Variants in NCOA2 observed in about 807,000 individuals in gnomAD.
NCOA2 encodes the protein nuclear receptor coactivator 2.
NCOA2 carries 21 observed loss-of-function variants against 145.1 expected under a neutral mutation model. That is an observed-to-expected ratio of 0.14 (90% CI 0.10 to 0.21). The LOEUF (loss-of-function observed/expected upper bound fraction) is 0.21. Among genes scored for constraint, NCOA2 ranks in the 10% least tolerant of loss-of-function variants. The pLI, the probability that NCOA2 is intolerant of heterozygous loss-of-function variation, is 1.00. For synonymous variants in NCOA2, 619 were observed against 637.5 expected (o/e 0.97, Z 0.44); for missense variants, 1,472 against 1,837.6 (o/e 0.80, Z 3.64).
At chr8:70,207,198 T>C (rs1338297777) in intron 4 of NCOA2, among the ~76,000 whole-genome samples, 1 of 152,214 alleles carries the variant, frequency 6.6e-6, no homozygotes, top group Non-Finnish European at 1.5e-5. Context: ...ATGATTAGTG[T>C]CATACATTAA....
intron 1 of NCOA2, among the ~76,000 whole-genome samples, chr8:70,327,572 A>C (rs1227945347): frequency 6.6e-6 from 1 of 152,058 alleles, no homozygotes; most frequent in South Asian, 2.1e-4. Context: ...GACAAAATTA[A>C]TGTAGTTAAA....
chr8:70,186,953 G>C (rs1816141605), intron 4 of NCOA2, among the ~76,000 whole-genome samples: 1 of 152,188 alleles, frequency 6.6e-6, no homozygotes, highest in South Asian at 2.1e-4. Flanking sequence ...AACAGGAAGA[G>C]CTTTAAATAC....
At chr8:70,118,833 C>T (rs1563473882) in intron 22 of NCOA2, among the ~76,000 whole-genome samples, 3 of 151,722 alleles carry the variant, frequency 2.0e-5, no homozygotes, top group Non-Finnish European at 2.9e-5. Flanking sequence ...GGACTACAGG[C>T]GTGTGCTTCT....
chr8:70,176,985 T>C (rs1423057460), intron 4 of NCOA2, among the ~76,000 whole-genome samples: 1 of 152,208 alleles, frequency 6.6e-6, no homozygotes, highest in African/African-American at 2.4e-5. Flanking sequence ...ATTTATGTGG[T>C]CCTACTGCAT....
chr8:70,327,618 T>C (rs1377178161), intron 1 of NCOA2, among the ~76,000 whole-genome samples: 1 of 152,190 alleles, frequency 6.6e-6, no homozygotes, highest in Non-Finnish European at 1.5e-5. Flanking sequence ...AATCTCACTA[T>C]ATGACCATCA....
At chr8:70,212,819 C>T (rs1248174232) in intron 4 of NCOA2, among the ~76,000 whole-genome samples, 4 of 152,114 alleles carry the variant, frequency 2.6e-5, no homozygotes, top group Admixed American at 6.5e-5. Flanking sequence ...CGGTGGCTCA[C>T]GCCTGTAATC....
chr8:70,313,909 G>A (rs149685421), intron 1 of NCOA2, among the ~76,000 whole-genome samples: 184 of 152,168 alleles, frequency 1.2e-3, no homozygotes, highest in African/African-American at 4.1e-3. Flanking sequence ...GGCGGCTCAC[G>A]CCTGTAATCC....
At chr8:70,214,100 T>C in intron 3 of NCOA2, 25 bp from the exon 4 acceptor site, 1 of 1,578,026 alleles carries the variant, frequency 6.3e-7, no homozygotes, top group South Asian at 1.2e-5. Context: ...CACATTTTTA[T>C]GATGTATTTG....
chr8:70,314,109 GGC>G (rs1473068937), intron 1 of NCOA2, among the ~76,000 whole-genome samples: 1 of 145,224 alleles, frequency 6.9e-6, no homozygotes, highest in Non-Finnish European at 1.5e-5. Flanking sequence ...GAACCTGGGA[GGC>G]AGAGCTTGCA....
intron 19 of NCOA2, 84 bp from the exon 20 acceptor site, chr8:70,124,949 A>G (rs1808255082): frequency 5.7e-6 from 7 of 1,225,504 alleles, no homozygotes; most frequent in Non-Finnish European, 7.9e-6. Flanking sequence ...GAACATTCCA[A>G]ATTAGGCATG....
At position 70,333,996 on chromosome 8, in the gene NCOA2, T is replaced by C. The variant is rs553546958; in HGVS notation, c.-76-37196A>G. The stretch of plus-strand genomic sequence containing the variant: ...ACTACTACCCTAGTCCAGGTCTTCA[T>C]GCTTTTCACTCTTCAATAGCCTTTG... On this transcript the variant is annotated intron_variant, in intron 1 of 22. Transcript: ENST00000452400. Among the ~76,000 whole-genome samples, 5 of 152,314 alleles carry C rather than the reference T, an allele frequency of 3.3e-5. No homozygotes were observed. In the East Asian group the frequency reaches 7.7e-4, roughly 23 times the overall value.
chr8:70,447,953 G>A, the NCOA2 span, among the ~76,000 whole-genome samples: 1 of 152,102 alleles, frequency 6.6e-6, no homozygotes, highest in Non-Finnish European at 1.5e-5. Context: ...CCAAAGTGCT[G>A]GGATTACAGG....
At chr8:70,449,435 T>G in the NCOA2 span, among the ~76,000 whole-genome samples, 1 of 152,076 alleles carries the variant, frequency 6.6e-6, no homozygotes, top group Non-Finnish European at 1.5e-5. Context: ...TTCAAAGGTG[T>G]GGGTAAAGCA....
intron 21 of NCOA2, among the ~76,000 whole-genome samples, chr8:70,122,262 T>C (rs1807909138): frequency 6.6e-6 from 1 of 152,136 alleles, no homozygotes; most frequent in Non-Finnish European, 1.5e-5. Flanking sequence ...CACGCATATA[T>C]TTTAAGAGAT....
rs1305690932 is a variant in NCOA2 at position 70,314,072 on chromosome 8, C to T, written c.-76-17272G>A. ...GCGGACGCCTATAGTCCCAGCTACT[C>T]GGGAGGCTGAGGTAGGAGAATGGTG... On this transcript the variant is annotated intron_variant, in intron 1 of 22. Transcript: ENST00000452400. Among the ~76,000 whole-genome samples the T allele has an allele frequency of 2.1e-5, 3 of 146,214 alleles. 1 individual carries two copies. Among genetic ancestry groups the T allele is most frequent in the Middle Eastern group, 3.6e-3 (1 of 274 alleles).
chr8:70,363,131 C>T (rs987808380), intron 1 of NCOA2, among the ~76,000 whole-genome samples: 7 of 150,066 alleles, frequency 4.7e-5, no homozygotes, highest in Non-Finnish European at 1.0e-4. Flanking sequence ...CACCTGTAAT[C>T]CCAGCACTTT....
At chr8:70,435,424 CA>C in the NCOA2 span, among the ~76,000 whole-genome samples, 350 of 20,128 alleles carry the variant, frequency 0.017, no homozygotes, top group Admixed American at 0.1. Flanking sequence ...GACTCCGTCT[CA>C]AAAAAAAAAA....
At chr8:70,200,303 C>G (rs1220155931) in intron 4 of NCOA2, among the ~76,000 whole-genome samples, 1 of 152,068 alleles carries the variant, frequency 6.6e-6, no homozygotes, top group Non-Finnish European at 1.5e-5. Context: ...GAATGAACAT[C>G]AAATATTATT....
At chr8:70,394,139 C>T (rs1398569736) in intron 1 of NCOA2, among the ~76,000 whole-genome samples, 1 of 152,168 alleles carries the variant, frequency 6.6e-6, no homozygotes, top group Non-Finnish European at 1.5e-5. Context: ...TACAGTGGTG[C>T]TCAAATATAA....
Sources: gnomAD v4.1 joint callset for allele counts (sites outside exome capture counted in the v4.1 genomes callset) on GRCh38, gnomAD v4.1.1 for gene constraint, MANE v1.5 for transcripts, NCBI Gene and HGNC (gene_info 2026-07-23, HGNC 2026-07-21) for gene names.